The following RAF1 variants were observed in gnomAD, a reference collection of about 807,000 sequenced individuals.
RAF1 encodes the protein RAF proto-oncogene serine/threonine-protein kinase.
In RAF1, 27 loss-of-function variants were observed where a neutral mutation model predicts 81.1. The ratio of observed to expected loss-of-function variants is 0.33; its 90% CI spans 0.25 to 0.46. The LOEUF (loss-of-function observed/expected upper bound fraction) is 0.46. RAF1 is among the 20% of genes least tolerant of loss of function. The probability of loss-of-function intolerance (pLI) is 1.00; values close to 1 mark genes in which losing one functional copy is unlikely to be tolerated. For synonymous variants in RAF1, 298 were observed against 294.0 expected (o/e 1.01, Z -0.14); for missense variants, 598 against 826.0 (o/e 0.72, Z 3.38).
intron 1 of RAF1, among the ~76,000 whole-genome samples, chr3:12,656,138 G>T (rs1229798230): frequency 7.1e-6 from 1 of 141,822 alleles, no homozygotes; most frequent in Non-Finnish European, 1.5e-5. Context: ...GGCAATACTA[G>T]ATAATACTAG....
intron 13 of RAF1, chr3:12,589,429 G>C (rs2058431843): frequency 6.6e-6 from 1 of 152,170 alleles, no homozygotes; most frequent in South Asian, 2.1e-4. Flanking sequence ...TGTAGGACTT[G>C]CAAGCACAGC....
intron 1 of RAF1, among the ~76,000 whole-genome samples, chr3:12,622,587 C>T (rs752949481): frequency 6.6e-6 from 1 of 152,160 alleles, no homozygotes; most frequent in Non-Finnish European, 1.5e-5. Context: ...GCCAAAATAG[C>T]CTGCTCTCCT....
At chr3:12,633,520 GA>G (rs903429602) in intron 1 of RAF1, among the ~76,000 whole-genome samples, 3 of 146,820 alleles carry the variant, frequency 2.0e-5, no homozygotes, top group African/African-American at 7.5e-5. Context: ...AAAGAAAAAA[GA>G]AAAAAATCCA....
rs2059533529 is a variant in RAF1 at position 12,620,779 on chromosome 3, T to G, written c.-26-2032A>C. Among the ~76,000 whole-genome samples, 3 of 152,158 alleles carry G rather than the reference T, an allele frequency of 2.0e-5. No homozygotes were observed. The South Asian group carries it at 6.2e-4, about 32-fold the overall frequency. On this transcript the variant is annotated intron_variant, in intron 1 of 17. Coordinates refer to ENST00000442415, the MANE Select transcript of RAF1 (RefSeq NM_001354689.3). ...AGGTTCAGTCACTGCAAACCCTTTC[T>G]TTTTTGGACACAGAAGTCATGCTAC...
chr3:12,659,883 C>T (rs892260747), intron 1 of RAF1, among the ~76,000 whole-genome samples: 8 of 152,138 alleles, frequency 5.3e-5, no homozygotes, highest in African/African-American at 1.9e-4. Flanking sequence ...ATGATCCTAA[C>T]ATGCAAACAA....
intron 2 of RAF1, among the ~76,000 whole-genome samples, chr3:12,614,157 G>A (rs1416794874): frequency 1.3e-5 from 2 of 152,182 alleles, no homozygotes; most frequent in Non-Finnish European, 2.9e-5. Context: ...GAAAAGAAAT[G>A]GGGATACAGG....
At position 12,591,051 on chromosome 3, in the gene RAF1, T is replaced by G. The variant is rs1445080268; in HGVS notation, c.1254-77A>C. On this transcript the variant is annotated intron_variant, in intron 12 of 17. Coordinates refer to ENST00000442415, the MANE Select transcript of RAF1 (RefSeq NM_001354689.3). Reference sequence around the variant, plus strand: ...GTCTACTGTGCTTTCCCGTGGACAGTGGGTTCTGTGCTGTCGACACCACCC... The same window carrying G: ...GTCTACTGTGCTTTCCCGTGGACAGGGGGTTCTGTGCTGTCGACACCACCC... The G allele has an allele frequency of 5.0e-6, 7 of 1,389,236 alleles. No homozygotes were observed. The East Asian group carries it at 1.6e-4, about 32-fold the overall frequency. 86.1% of individuals were successfully genotyped at this position (1,389,236 alleles called of 1,614,324 possible).
At chr3:12,613,475 T>C (rs2059281785) in intron 2 of RAF1, among the ~76,000 whole-genome samples, 2 of 142,870 alleles carry the variant, frequency 1.4e-5, no homozygotes, top group Admixed American at 6.9e-5. Flanking sequence ...TATCTACCTA[T>C]GTGGGTACAC....
At chr3:12,620,136 A>ATTTTCTTTTC (rs569177072) in intron 1 of RAF1, among the ~76,000 whole-genome samples, 1 of 151,688 alleles carries the variant, frequency 6.6e-6, no homozygotes, top group Non-Finnish European at 1.5e-5. Context: ...AACCCCAAAG[A>ATTTTCTTTTC]TTTTCTTTTC....
intron 8 of RAF1, among the ~76,000 whole-genome samples, chr3:12,601,861 C>A (rs992216490): frequency 6.6e-6 from 1 of 152,100 alleles, no homozygotes; most frequent in African/African-American, 2.4e-5. Flanking sequence ...CCACGATTGA[C>A]TGAGCATGTT....
chr3:12,643,380 A>G (rs2060248985), intron 1 of RAF1, among the ~76,000 whole-genome samples: 1 of 148,190 alleles, frequency 6.7e-6, no homozygotes, highest in African/African-American at 2.6e-5. Flanking sequence ...AAACATGTTA[A>G]GGATCAAAGT....
intron 13 of RAF1, chr3:12,588,739 A>T (rs1023085446): frequency 6.6e-6 from 1 of 152,222 alleles, no homozygotes; most frequent in African/African-American, 2.4e-5. Context: ...AGTAGACTGC[A>T]AGTGGGTGGG....
chr3:12,598,915 A>G (rs1441060015), intron 11 of RAF1, among the ~76,000 whole-genome samples: 1 of 151,996 alleles, frequency 6.6e-6, no homozygotes, highest in African/African-American at 2.4e-5. Flanking sequence ...GGACTCTGTG[A>G]TTTTTGCTTT....
chr3:12,587,485 A>G lies in RAF1; in HGVS notation c.1477+106T>C, dbSNP rs1007247819. 3 of 1,104,906 alleles carry G rather than the reference A, an allele frequency of 2.7e-6. No individual in the cohort carries two copies. In the African/African-American group the frequency reaches 4.7e-5, roughly 17 times the overall value. The allele number at this position is 1,104,906 out of a possible 1,614,324, so 68.4% of individuals were successfully genotyped here. On this transcript the variant is annotated intron_variant, in intron 14 of 17. Transcript: ENST00000442415. ...TTCCTGTCCTCTGCCTCTTTCCTTAAAAAGATATCCCCTGGCACCGAGAGC... is the reference window on the plus strand; with the variant it reads ...TTCCTGTCCTCTGCCTCTTTCCTTAGAAAGATATCCCCTGGCACCGAGAGC...
intron 1 of RAF1, among the ~76,000 whole-genome samples, chr3:12,661,172 T>C (rs1036850136): frequency 6.6e-6 from 1 of 152,224 alleles, no homozygotes; most frequent in Admixed American, 6.5e-5. Flanking sequence ...CTGAAGTCTG[T>C]TAATTCCATA....
chr3:12,660,752 A>G (rs2060849696), intron 1 of RAF1, among the ~76,000 whole-genome samples: 1 of 152,110 alleles, frequency 6.6e-6, no homozygotes, highest in Admixed American at 6.6e-5. Context: ...CAAGGCGGGT[A>G]GATCACAAGG....
At chr3:12,608,568 C>T (rs1051341768) in intron 5 of RAF1, 198 bp downstream of exon 5, 21 of 628,654 alleles carry the variant, frequency 3.3e-5, no homozygotes, top group Non-Finnish European at 5.4e-5. Flanking sequence ...CCTACTCCTA[C>T]CTGCTCATTC....
chr3:12,647,763 G>A (rs960553254), intron 1 of RAF1, among the ~76,000 whole-genome samples: 3 of 152,150 alleles, frequency 2.0e-5, no homozygotes, highest in Non-Finnish European at 4.4e-5. Context: ...TGATGTGTAC[G>A]TGTCAATATT....
At chr3:12,585,542 T>A in intron 15 of RAF1, 139 bp downstream of exon 14, 9 of 1,373,938 alleles carry the variant, frequency 6.6e-6, no homozygotes, top group Non-Finnish European at 9.1e-6. Flanking sequence ...AAATCTACAA[T>A]TGCCCTGAGG....
Sources: allele counts gnomAD v4.1 joint callset (sites outside exome capture counted in the v4.1 genomes callset), GRCh38; gene constraint gnomAD v4.1.1; transcripts MANE v1.5; gene names NCBI Gene and HGNC (gene_info 2026-07-23, HGNC 2026-07-21).